The following WDR12 variants were observed in gnomAD, a reference collection of about 807,000 sequenced individuals.
WDR12 encodes the protein WD repeat domain 12, also known as ribosome biogenesis protein WDR12.
In WDR12, 42 loss-of-function variants were observed where a neutral mutation model predicts 64.3. That is an observed-to-expected ratio of 0.65 (90% confidence interval 0.51 to 0.84). The LOEUF is 0.84. WDR12 is among the 40% of genes least tolerant of loss of function. The pLI is 0.00. For synonymous variants in WDR12, 158 were observed against 173.3 expected, an observed-to-expected ratio of 0.91 and a Z score of 0.70; for missense variants, 469 against 494.6, an observed-to-expected ratio of 0.95 and a Z score of 0.49.
At chr2:202,904,249 T>C (rs1398786300) in intron 2 of WDR12, among the ~76,000 whole-genome samples, 1 of 150,674 alleles carries the variant, frequency 6.6e-6, no homozygotes, top group East Asian at 1.9e-4. Flanking sequence ...GAATTTAATA[T>C]TGTTAAAATG....
rs145552501 is a variant in WDR12 at position 202,891,850 on chromosome 2, C to T, written c.741+767G>A. Among the ~76,000 whole-genome samples, 495 of 152,272 alleles carry T rather than the reference C, an allele frequency of 3.3e-3. 3 individuals are homozygous for T. The highest frequency in any genetic ancestry group is 0.011 in the African/African-American group (462 of 41,562). ...TCTTTGTAACAGGATAAATAATAAT[C>T]TGCATGAAAAGTCAAACTCATGGAA... On this transcript the variant is annotated intron_variant, in intron 8 of 12. Transcript: ENST00000261015.
At chr2:202,910,382 G>A (rs2105913904) in intron 1 of WDR12, among the ~76,000 whole-genome samples, 1 of 152,118 alleles carries the variant, frequency 6.6e-6, no homozygotes, top group Admixed American at 6.5e-5. Flanking sequence ...AATTAGCCAG[G>A]CTTGGTGGCA....
rs1687891454 is a variant in WDR12, at chr2:202,877,986, A to C, written c.*2874T>G. 6.6e-6 allele frequency: 1 copy of C among 152,146 alleles called. No individual in the cohort carries two copies. The highest frequency in any genetic ancestry group is 1.5e-5 in the Non-Finnish European group (1 of 68,040). 9.4% of individuals were successfully genotyped at this position (152,146 alleles called of 1,614,324 possible). A position where few individuals can be genotyped will look rare whatever the true frequency, so the allele number is the denominator to read the frequency against. On this transcript the variant is annotated 3_prime_UTR_variant, in exon 13 of 13. Coordinates refer to ENST00000261015, the MANE Select transcript of WDR12 (RefSeq NM_018256.4). ...GACTGAATAGTCTAGGCATGTATTG[A>C]CCTCTCATATTCCTTCTGTTCAGGG...
chr2:202,908,286 A>C (rs1411240771), intron 1 of WDR12, among the ~76,000 whole-genome samples: 1 of 152,206 alleles, frequency 6.6e-6, no homozygotes, highest in Non-Finnish European at 1.5e-5. Flanking sequence ...ATAACTGTTA[A>C]GCAACATTTA....
At chr2:202,903,253 T>C (rs1344784026) in intron 2 of WDR12, among the ~76,000 whole-genome samples, 1 of 152,148 alleles carries the variant, frequency 6.6e-6, no homozygotes, top group East Asian at 1.9e-4. Context: ...CATCCTTTCA[T>C]GATAAAAGCC....
rs1407829960 is a variant in WDR12 at position 202,877,225 on chromosome 2, T to G, written c.*3635A>C. The G allele has an allele frequency of 6.6e-6, 1 of 152,074 alleles. No individual in the cohort carries two copies. The highest frequency in any genetic ancestry group is 1.9e-4 in the East Asian group (1 of 5,194). The allele number at this position is 152,074 out of a possible 1,614,324, so 9.4% of individuals were successfully genotyped here. On this transcript the variant is annotated 3_prime_UTR_variant, in exon 13 of 13. Transcript: ENST00000261015. ...TAGGAAGCATTCTGATATATTATTA[T>G]GCATTGTTGACAACAGTTCCAAAAT...
chr2:202,907,888 T>C lies in WDR12; in HGVS notation c.113A>G (p.Asn38Ser), dbSNP rs1233553353. ...ACCATTTTTGTCCTTTAGTAGTTTATTGATGATGTTACTAAGGTCGGCAAT... is the reference window on the plus strand; with the variant it reads ...ACCATTTTTGTCCTTTAGTAGTTTACTGATGATGTTACTAAGGTCGGCAAT... ...SEIADLSNII[N>S]KLLKDKNEFH... The change falls in exon 2 of 13, where the codon AAT (asparagine) becomes AGT (serine). Residue 38 changes from asparagine (N) to serine (S), a missense_variant. Coordinates refer to ENST00000261015, the MANE Select transcript of WDR12 (RefSeq NM_018256.4). The C allele has an allele frequency of 7.4e-6, 12 of 1,613,874 alleles. No homozygotes were observed. The highest frequency in any genetic ancestry group is 2.2e-5 in the East Asian group (1 of 44,866).
intron 8 of WDR12, among the ~76,000 whole-genome samples, chr2:202,885,896 C>T (rs1237889728): frequency 6.6e-6 from 1 of 151,994 alleles, no homozygotes; most frequent in Non-Finnish European, 1.5e-5. Flanking sequence ...CCCGTCTCTA[C>T]TAAAAATAAA....
At chr2:202,889,686 G>A (rs1299347894) in intron 8 of WDR12, among the ~76,000 whole-genome samples, 4 of 151,852 alleles carry the variant, frequency 2.6e-5, no homozygotes, top group African/African-American at 9.7e-5. Flanking sequence ...AGGCCGAGGT[G>A]GGAGGACTGC....
Position 202,880,788 on chromosome 2 carries a change from C to G in WDR12, c.*72G>C. 1 of 1,369,624 alleles carries G rather than the reference C, an allele frequency of 7.3e-7. No homozygotes were observed. Among genetic ancestry groups the G allele is most frequent in the Non-Finnish European group, 1.0e-6 (1 of 990,946 alleles). 84.8% of individuals were successfully genotyped at this position (1,369,624 alleles called of 1,614,324 possible). ...AAAAGGCTGCTTTCTGCATCTGCAT[C>G]TATGTAATTTCATGGTTCTCTACCA... On this transcript the variant is annotated 3_prime_UTR_variant, in exon 13 of 13. Transcript: ENST00000261015.
chr2:202,899,375 A>C (rs1361964921), intron 4 of WDR12, among the ~76,000 whole-genome samples, 156 bp downstream of exon 4: 1 of 152,128 alleles, frequency 6.6e-6, no homozygotes, highest in Admixed American at 6.5e-5. Context: ...CTGAATGAAA[A>C]GATCTTTCTG....
chr2:202,899,739 T>C lies in WDR12; in HGVS notation c.232-102A>G. 3 of 1,037,264 alleles carry C rather than the reference T, an allele frequency of 2.9e-6. No individual in the cohort carries two copies. In the Admixed American group the frequency reaches 6.8e-5, roughly 23 times the overall value. 64.3% of individuals were successfully genotyped at this position (1,037,264 alleles called of 1,614,324 possible). On this transcript the variant is annotated intron_variant, in intron 3 of 12. Transcript: ENST00000261015. ...TAATATATCTCCTTTATATCCTTCA[T>C]ATTAGTCCCCTTTATAACTCAGCAA...
chr2:202,884,062 C>T (rs966136524), intron 10 of WDR12, 136 bp downstream of exon 10: 8 of 833,152 alleles, frequency 9.6e-6, no homozygotes, highest in Non-Finnish European at 1.3e-5. Context: ...CTGCCCGCCT[C>T]GGCCTCTCAA....
chr2:202,902,635 C>A (rs1688368960), intron 2 of WDR12, among the ~76,000 whole-genome samples: 1 of 152,044 alleles, frequency 6.6e-6, no homozygotes, highest in East Asian at 1.9e-4. Context: ...GATTCTTGGA[C>A]CAGTGGTTTG....
chr2:202,875,617 A>G lies in WDR12; in HGVS notation c.*5243T>C, dbSNP rs1687845652. On this transcript the variant is annotated 3_prime_UTR_variant, in exon 13 of 13. Coordinates refer to ENST00000261015, the MANE Select transcript of WDR12 (RefSeq NM_018256.4). ...TGGTCAGGCTATTCTTGAACTCCCG[A>G]CCTCAGATGATATGCCCACCTCAGC... The G allele has an allele frequency of 6.6e-6, 1 of 152,068 alleles. No homozygotes were observed. The highest frequency in any genetic ancestry group is 1.5e-5 in the Non-Finnish European group (1 of 68,028). The allele number at this position is 152,068 out of a possible 1,614,324, so 9.4% of individuals were successfully genotyped here.
At chr2:202,904,566 G>A (rs1688420262) in intron 2 of WDR12, among the ~76,000 whole-genome samples, 1 of 152,010 alleles carries the variant, frequency 6.6e-6, no homozygotes, top group African/African-American at 2.4e-5. Flanking sequence ...AACCTACACT[G>A]GGGAACAGCC....
intron 2 of WDR12, among the ~76,000 whole-genome samples, chr2:202,902,783 G>A (rs1395308880): frequency 3.3e-5 from 5 of 152,146 alleles, no homozygotes; most frequent in Non-Finnish European, 5.9e-5. Flanking sequence ...TCTTGTGATC[G>A]TGTGAGTCAA....
intron 8 of WDR12, 124 bp from the exon 9 acceptor site, chr2:202,884,659 C>A: frequency 3.5e-6 from 3 of 861,608 alleles, no homozygotes; most frequent in Non-Finnish European, 4.8e-6. Flanking sequence ...CATATCCTGA[C>A]TTATTTCTTC....
intron 2 of WDR12, among the ~76,000 whole-genome samples, chr2:202,907,102 C>T (rs1275004504): frequency 6.6e-6 from 1 of 152,102 alleles, no homozygotes; most frequent in Non-Finnish European, 1.5e-5. Flanking sequence ...GCATGTGCCA[C>T]CACGCCTGGC....
Sources: gnomAD v4.1 joint callset for allele counts (sites outside exome capture counted in the v4.1 genomes callset) on GRCh38, gnomAD v4.1.1 for gene constraint, MANE v1.5 for transcripts, NCBI Gene and HGNC (gene_info 2026-07-23, HGNC 2026-07-21) for gene names.